The following CSMD2 variants were observed in gnomAD, a reference collection of about 807,000 sequenced individuals.
CSMD2 encodes CUB and Sushi multiple domains 2.
CSMD2 carries 130 observed loss-of-function variants against 398.5 expected under a neutral mutation model. The observed-to-expected ratio is 0.33, with a 90% CI of 0.28 to 0.38. CSMD2 has a LOEUF of 0.38. CSMD2 is among the 10% of genes least tolerant of loss of function. The pLI is 1.00. For missense variants in CSMD2, 3,829 were observed against 4,764.9 expected (o/e 0.80, Z 5.78); for synonymous variants, 1,828 against 1,908.5 (o/e 0.96, Z 1.10).
At chr1:33,740,708 G>A (rs1219736359) in intron 14 of CSMD2, among the ~76,000 whole-genome samples, 4 of 152,110 alleles carry the variant, frequency 2.6e-5, no homozygotes, top group Non-Finnish European at 4.4e-5. Context: ...TTAGAAATAT[G>A]GTGTGGGAAA....
chr1:33,624,497 C>T lies in CSMD2; in HGVS notation c.5625+22G>A, dbSNP rs753949642. On this transcript the variant is annotated intron_variant, in intron 35 of 70. Coordinates refer to ENST00000373381, the MANE Select transcript of CSMD2 (RefSeq NM_001281956.2). The surrounding 1 kb of genome is among the most constrained non-coding windows in gnomAD (Gnocchi z 4.7). ...GGGAGCAGACGGCCACCTGCCCGAC[C>T]GAGGCGCCCCCTTGCCCCTACCTGG... 2.0e-5 allele frequency: 33 copies of T among 1,610,828 alleles called. No individual in the cohort carries two copies. Among genetic ancestry groups the T allele is most frequent in the Admixed American group, 5.0e-5 (3 of 59,910 alleles).
chr1:33,796,551 C>T (rs545693067), intron 10 of CSMD2, among the ~76,000 whole-genome samples: 2 of 152,232 alleles, frequency 1.3e-5, no homozygotes, highest in Admixed American at 6.5e-5. Context: ...TCTCTTAATC[C>T]TGTTATCTTT....
At chr1:33,917,399 C>G (rs1194040140) in intron 5 of CSMD2, among the ~76,000 whole-genome samples, 1 of 152,224 alleles carries the variant, frequency 6.6e-6, no homozygotes, top group Non-Finnish European at 1.5e-5. Context: ...ACTTGTGATG[C>G]TTCTCACCCA....
At position 34,102,220 on chromosome 1, in the gene CSMD2, C is replaced by T. The variant is rs145322543; in HGVS notation, c.188-13027G>A. On this transcript the variant is annotated intron_variant, in intron 1 of 70. Transcript: ENST00000373381. ...TAATTTTTTTTACTTTTAGTAGAGA[C>T]GGGGTTTCACTGTGTTAGCCAAGAT... is the stretch of plus-strand genomic sequence containing the variant. 6.1e-3 allele frequency among the ~76,000 whole-genome samples: 927 copies of T among 152,142 alleles called. 9 individuals carry two copies. Among genetic ancestry groups the T allele is most frequent in the African/African-American group, 0.021 (852 of 41,532 alleles).
intron 15 of CSMD2, among the ~76,000 whole-genome samples, chr1:33,729,068 T>A (rs1253404591): frequency 1.3e-5 from 2 of 152,140 alleles, no homozygotes; most frequent in Non-Finnish European, 2.9e-5. Context: ...ATCTCAGCAG[T>A]GAGGAGGGAC....
At chr1:34,089,856 G>A (rs938758392) in intron 1 of CSMD2, among the ~76,000 whole-genome samples, 6 of 151,946 alleles carry the variant, frequency 3.9e-5, no homozygotes, top group African/African-American at 1.2e-4. Context: ...AGACTCTATC[G>A]TTAAGAAAAA....
intron 3 of CSMD2, among the ~76,000 whole-genome samples, chr1:34,016,283 G>C (rs531739358): frequency 6.6e-6 from 1 of 152,028 alleles, no homozygotes; most frequent in East Asian, 1.9e-4. Context: ...TTAGGTATTT[G>C]TCCTAATGCT....
chr1:34,016,058 G>C (rs1648065038), intron 3 of CSMD2, among the ~76,000 whole-genome samples: 1 of 150,038 alleles, frequency 6.7e-6, no homozygotes, highest in Admixed American at 6.6e-5. Context: ...TGTGTATTTA[G>C]TTTATGTGCA....
intron 5 of CSMD2, among the ~76,000 whole-genome samples, chr1:33,897,490 A>G (rs1642466257): frequency 6.6e-6 from 1 of 152,202 alleles, no homozygotes; most frequent in Non-Finnish European, 1.5e-5. Flanking sequence ...TGGGGTAAAC[A>G]AGCTGCTGCT....
chr1:33,650,734 T>C (rs1430746556), intron 28 of CSMD2, among the ~76,000 whole-genome samples: 1 of 152,208 alleles, frequency 6.6e-6, no homozygotes, highest in Admixed American at 6.5e-5. Context: ...CCGTGTGAAA[T>C]GATCAGCCCT....
At chr1:34,161,704 A>G (rs1389533234) in intron 1 of CSMD2, among the ~76,000 whole-genome samples, 3 of 152,152 alleles carry the variant, frequency 2.0e-5, no homozygotes, top group Non-Finnish European at 4.4e-5. Context: ...AGGTTGAAGT[A>G]AGGAGTGACG....
chr1:33,932,939 C>T (rs1644359141), intron 4 of CSMD2, among the ~76,000 whole-genome samples: 1 of 152,128 alleles, frequency 6.6e-6, no homozygotes, highest in Admixed American at 6.5e-5. Context: ...GTGGAAGAGG[C>T]TGGAGAAAGA....
intron 1 of CSMD2, among the ~76,000 whole-genome samples, chr1:34,147,781 G>A (rs1015144316): frequency 2.6e-5 from 4 of 152,186 alleles, no homozygotes; most frequent in African/African-American, 7.2e-5. Context: ...TGGCAGTGAC[G>A]TCCCTGCGTA....
intron 19 of CSMD2, 141 bp downstream of exon 19, chr1:33,724,056 T>C: frequency 1.5e-6 from 1 of 664,884 alleles, no homozygotes; most frequent in Non-Finnish European, 2.7e-6. Flanking sequence ...ACTCTGGAAG[T>C]TTTCTTGTTG....
In CSMD2 at chr1:33,666,665, T is replaced by G. The variant is rs564861882; in HGVS notation, c.4053-3573A>C. On this transcript the variant is annotated intron_variant, in intron 25 of 70. Transcript: ENST00000373381. ...TTTATAGATATAGGAGGGGATTCCT[T>G]AAAACCAGGACCTGTGTAAGGCTGG... Among the ~76,000 whole-genome samples, 22 of 152,234 alleles carry G rather than the reference T, an allele frequency of 1.4e-4. No individual in the cohort carries two copies. In the South Asian group the frequency reaches 4.6e-3, roughly 32 times the overall value.
chr1:33,920,903 C>A (rs952966785), intron 4 of CSMD2, among the ~76,000 whole-genome samples: 1 of 152,154 alleles, frequency 6.6e-6, no homozygotes, highest in Non-Finnish European at 1.5e-5. Flanking sequence ...ACTGAGCTGG[C>A]AGCATACATC....
In CSMD2 at chr1:33,533,218, T is replaced by C. The variant is rs1260316636; in HGVS notation, c.10003A>G (p.Arg3335Gly). ...GCATGCGTTGGCGTCTCTGGCTGCCTGCAGTGGTGGGCTGGATGAGAGGAA... is the reference window on the plus strand; with the variant it reads ...GCATGCGTTGGCGTCTCTGGCTGCCCGCAGTGGTGGGCTGGATGAGAGGAA... Reference protein sequence around the residue: ...TPPDCVPHHCRQPETPTHANV... With the variant: ...TPPDCVPHHCGQPETPTHANV... The change falls in exon 64 of 71, where the codon AGG (arginine) becomes GGG (glycine). Residue 3335 changes from arginine to glycine, a missense_variant. This residue lies in a region of CSMD2 where 917 missense variants were observed against 1,199.5 expected (regional missense o/e 0.76). Transcript: ENST00000373381. The surrounding 1 kb of genome is among the most constrained non-coding windows in gnomAD (Gnocchi z 4.2). The C allele has an allele frequency of 6.2e-7, 1 of 1,613,740 alleles. No individual in the cohort carries two copies. Among genetic ancestry groups the C allele is most frequent in the Non-Finnish European group, 8.5e-7 (1 of 1,179,966 alleles).
At chr1:33,883,596 T>A (rs1254308493) in intron 5 of CSMD2, among the ~76,000 whole-genome samples, 1 of 152,108 alleles carries the variant, frequency 6.6e-6, no homozygotes, top group Non-Finnish European at 1.5e-5. Context: ...AGTCTGTGAG[T>A]GTGAAATCTA....
At chr1:33,766,328 G>A (rs1021433583) in intron 13 of CSMD2, among the ~76,000 whole-genome samples, 6 of 152,030 alleles carry the variant, frequency 3.9e-5, no homozygotes, top group African/African-American at 9.7e-5. Flanking sequence ...CTCATCTTTC[G>A]GGCCCAACCA....
Sources: gnomAD v4.1 joint callset for allele counts (sites outside exome capture counted in the v4.1 genomes callset) on GRCh38, gnomAD v4.1.1 for gene constraint, gnomAD v4.1.1 regional missense constraint, Gnocchi (gnomAD v3.1) non-coding constraint, MANE v1.5 for transcripts, NCBI Gene and HGNC (gene_info 2026-07-23, HGNC 2026-07-21) for gene names.